Variants in MLIP observed in about 807,000 individuals in gnomAD.
MLIP encodes the protein muscular LMNA interacting protein, also known as muscular LMNA-interacting protein.
MLIP carries 79 observed loss-of-function variants against 84.8 expected under a neutral mutation model. The observed-to-expected ratio is 0.93, with a 90% CI of 0.78 to 1.12. MLIP has a LOEUF of 1.12. MLIP is among the 50% of genes most tolerant of loss of function. The probability of loss-of-function intolerance (pLI) is 0.00; values close to 1 mark genes in which losing one functional copy is unlikely to be tolerated. For synonymous variants in MLIP, 504 were observed against 463.0 expected (o/e 1.09, Z -1.14); for missense variants, 1,257 against 1,160.6 (o/e 1.08, Z -1.21).
At chr6:54,122,061 T>C (rs1770501854) in intron 2 of MLIP, among the ~76,000 whole-genome samples, 1 of 152,196 alleles carries the variant, frequency 6.6e-6, no homozygotes, top group Non-Finnish European at 1.5e-5. Context: ...TGTAAATTTA[T>C]ACAATTTTGG....
At chr6:54,106,237 T>C (rs550303743) in intron 1 of MLIP, among the ~76,000 whole-genome samples, 11 of 152,242 alleles carry the variant, frequency 7.2e-5, no homozygotes, top group African/African-American at 2.6e-4. Flanking sequence ...GGATTTTATA[T>C]GGATGCATCA....
At chr6:54,170,661 G>A (rs1775675758) in intron 9 of MLIP, among the ~76,000 whole-genome samples, 1 of 151,480 alleles carries the variant, frequency 6.6e-6, no homozygotes, top group Admixed American at 6.6e-5. Flanking sequence ...ACCTTTCTGT[G>A]CCTTTGTTTC....
chr6:54,215,199 C>G (rs1232310229), intron 11 of MLIP: 1 of 1,535,114 alleles, frequency 6.5e-7, no homozygotes, highest in South Asian at 1.2e-5. Flanking sequence ...CTTGGCTCCT[C>G]TGATCATTGA....
chr6:54,047,123 G>A (rs7742744), intron 1 of MLIP: 1 of 152,170 alleles, frequency 6.6e-6, no homozygotes, highest in Non-Finnish European at 1.5e-5. Context: ...TCAAAGTTAC[G>A]TGGTAGATGG....
chr6:54,147,140 G>A (rs529678026), intron 4 of MLIP, among the ~76,000 whole-genome samples: 45 of 152,136 alleles, frequency 3.0e-4, no homozygotes, highest in Non-Finnish European at 3.8e-4. Context: ...CCATCATAGA[G>A]TGAGATGGTA....
chr6:54,070,972 CAT>C (rs1766448330), intron 1 of MLIP, among the ~76,000 whole-genome samples: 1 of 151,952 alleles, frequency 6.6e-6, no homozygotes, highest in Admixed American at 6.6e-5. Flanking sequence ...AAAAACAAAA[CAT>C]AATATATTTC....
chr6:54,123,089 G>A (rs1379268914), intron 2 of MLIP, among the ~76,000 whole-genome samples: 1 of 138,726 alleles, frequency 7.2e-6, no homozygotes, highest in African/African-American at 2.8e-5. Context: ...CTCTGCCACC[G>A]CGCCCGGCTA....
At chr6:54,127,962 C>T (rs1771062899) in intron 3 of MLIP, among the ~76,000 whole-genome samples, 1 of 152,100 alleles carries the variant, frequency 6.6e-6, no homozygotes, top group Admixed American at 6.6e-5. Flanking sequence ...ACACATACAA[C>T]ACAGTGATTC....
chr6:54,181,678 G>A lies in MLIP; in HGVS notation c.2545-8192G>A, dbSNP rs145543471. 5.8e-4 allele frequency among the ~76,000 whole-genome samples: 88 copies of A among 152,274 alleles called. 1 individual carries two copies. The highest frequency in any genetic ancestry group is 2.0e-3 in the African/African-American group (82 of 41,538). ...GCCTAAGGCCCATGGTGTACTACGT[G>A]GGTATCATTGCTGGTTATTCACTAC... On this transcript the variant is annotated intron_variant, in intron 9 of 13. Coordinates refer to ENST00000502396, the MANE Select transcript of MLIP (RefSeq NM_001281747.2).
At chr6:54,219,133 G>A (rs1367160964) in intron 11 of MLIP, among the ~76,000 whole-genome samples, 2 of 151,878 alleles carry the variant, frequency 1.3e-5, no homozygotes, top group African/African-American at 4.8e-5. Context: ...GTGAACCTGG[G>A]AGGTGGAGCT....
At chr6:54,097,667 A>G (rs556313138) in intron 1 of MLIP, among the ~76,000 whole-genome samples, 1 of 152,336 alleles carries the variant, frequency 6.6e-6, no homozygotes, top group South Asian at 2.1e-4. Context: ...TTTGGGGCAT[A>G]TTTAGTTGGA....
intron 2 of MLIP, among the ~76,000 whole-genome samples, chr6:54,122,056 A>G (rs948933443): frequency 1.3e-5 from 2 of 152,190 alleles, no homozygotes; most frequent in Non-Finnish European, 2.9e-5. Context: ...GGTTTTGTAA[A>G]TTTATACAAT....
intron 12 of MLIP, among the ~76,000 whole-genome samples, chr6:54,244,029 C>A (rs1348559806): frequency 6.6e-6 from 1 of 152,088 alleles, no homozygotes; most frequent in East Asian, 1.9e-4. Flanking sequence ...GCTAACAGAA[C>A]CACTAAACAT....
chr6:54,023,633 G>T (rs1349998606), intron 1 of MLIP, among the ~76,000 whole-genome samples: 1 of 151,416 alleles, frequency 6.6e-6, no homozygotes, highest in Non-Finnish European at 1.5e-5. Context: ...GCAGTGGTGC[G>T]ATCTCGGCTC....
chr6:54,216,464 T>A, intron 11 of MLIP: 1 of 985,424 alleles, frequency 1.0e-6, no homozygotes, highest in Non-Finnish European at 1.2e-6. Context: ...TTTCTTTCTT[T>A]TCCCTTGAGT....
intron 4 of MLIP, among the ~76,000 whole-genome samples, chr6:54,148,625 A>G (rs1034775081): frequency 6.6e-6 from 1 of 152,196 alleles, no homozygotes; most frequent in African/African-American, 2.4e-5. Flanking sequence ...AAAATGATCA[A>G]GAGCTCAATT....
At chr6:54,172,887 T>A (rs950906008) in intron 9 of MLIP, among the ~76,000 whole-genome samples, 4 of 151,738 alleles carry the variant, frequency 2.6e-5, no homozygotes, top group African/African-American at 7.2e-5. Context: ...GTCCGTGGTC[T>A]TCTTAAAATG....
At chr6:54,036,758 T>A (rs1390604348) in intron 1 of MLIP, among the ~76,000 whole-genome samples, 1 of 151,896 alleles carries the variant, frequency 6.6e-6, no homozygotes. Context: ...GGAAATGAAA[T>A]CAGTAGGTCA....
At chr6:54,078,198 A>T (rs976036604) in intron 1 of MLIP, among the ~76,000 whole-genome samples, 1 of 152,196 alleles carries the variant, frequency 6.6e-6, no homozygotes, top group Non-Finnish European at 1.5e-5. Context: ...GTTTTCTTTA[A>T]TTTCTACCTA....
Sources: allele counts gnomAD v4.1 joint callset (sites outside exome capture counted in the v4.1 genomes callset), GRCh38; gene constraint gnomAD v4.1.1; transcripts MANE v1.5; gene names NCBI Gene and HGNC (gene_info 2026-07-23, HGNC 2026-07-21).